RNF103: variants seen among roughly 807,000 people sequenced by gnomAD.
RNF103 encodes the protein E3 ubiquitin-protein ligase RNF103.
RNF103 carries 23 observed loss-of-function variants against 66.2 expected under a neutral mutation model. The observed-to-expected ratio is 0.35, with a 90% CI of 0.25 to 0.49. The LOEUF (loss-of-function observed/expected upper bound fraction) is 0.49. Among genes scored for constraint, RNF103 ranks in the 20% least tolerant of loss-of-function variants. RNF103 has a pLI of 0.98. For missense variants in RNF103, 730 were observed against 814.7 expected, an observed-to-expected ratio of 0.90 and a Z score of 1.27; for synonymous variants, 297 against 289.9, an observed-to-expected ratio of 1.02 and a Z score of -0.25.
chr2:86,603,998 T>C lies in RNF103; in HGVS notation c.1903A>G (p.Met635Val), dbSNP rs756358507. ...AACACATGACCACAAGGCAACCCCA[T>C]TAGCAAACATCCATTTTCAAAATTC... is the stretch of plus-strand genomic sequence containing the variant. ...LENFENGCLL[M>V]GLPCGHVFHQ... The change falls in exon 4 of 4, where the codon ATG becomes GTG. Residue 635 changes from methionine (M) to valine (V), a missense_variant. Coordinates refer to ENST00000237455, the MANE Select transcript of RNF103 (RefSeq NM_005667.4). 1.7e-5 allele frequency: 27 copies of C among 1,614,016 alleles called. No homozygotes were observed. The highest frequency in any genetic ancestry group is 2.3e-5 in the Non-Finnish European group (27 of 1,180,042).
chr2:86,620,104 A>T (rs955534675), intron 2 of RNF103, among the ~76,000 whole-genome samples: 1 of 152,168 alleles, frequency 6.6e-6, no homozygotes, highest in Non-Finnish European at 1.5e-5. Flanking sequence ...CTAAACAAAA[A>T]GTTGACCCCC....
At position 86,605,134 on chromosome 2, in the gene RNF103, T is replaced by C. The variant is rs1678496146; in HGVS notation, c.767A>G (p.Lys256Arg). The change falls in exon 4 of 4, where the codon AAG (lysine) becomes AGG (arginine). Residue 256 changes from lysine (K) to arginine (R), a missense_variant. Lys to Arg is a conservative substitution (Grantham distance 26). Transcript: ENST00000237455. ...PPAFFSALSIKFTGRVEFIFV... is the reference protein window; with the variant it reads ...PPAFFSALSIRFTGRVEFIFV... ...AATAAACTCAACTCTTCCAGTAAAC[T>C]TTATACTTAGTGCAGAGAAGAAAGC... is the stretch of plus-strand genomic sequence containing the variant. 1.9e-6 allele frequency: 3 copies of C among 1,613,906 alleles called. No homozygotes were observed. Among genetic ancestry groups the C allele is most frequent in the East Asian group, 4.5e-5 (2 of 44,876 alleles).
chr2:86,617,977 G>C, intron 2 of RNF103: 1 of 500,724 alleles, frequency 2.0e-6, no homozygotes, highest in South Asian at 1.5e-5. Flanking sequence ...AGGAACACAA[G>C]CCAGACAGTG....
chr2:86,621,842 G>T (rs1306345816), intron 1 of RNF103, among the ~76,000 whole-genome samples: 1 of 152,060 alleles, frequency 6.6e-6, no homozygotes, highest in Non-Finnish European at 1.5e-5. Flanking sequence ...ACTTTGTGCA[G>T]CAGTGAAAAA....
chr2:86,604,292 T>C lies in RNF103; in HGVS notation c.1609A>G (p.Asn537Asp). ...TCTGTGTTCTCACTTTCCGAGTCAT[T>C]TTCAGTATCTTGAGACCCCTCCGAC... Reference protein sequence around the residue: ...EMSEGSQDTENDSESENTDTL... With the variant: ...EMSEGSQDTEDDSESENTDTL... Residue 537 changes from asparagine (N) to aspartate (D), a missense_variant, in exon 4 of 4, where the codon AAT (asparagine) becomes GAT (aspartate). Physicochemically the swap from Asn to Asp is conservative, Grantham distance 23. Coordinates refer to ENST00000237455, the MANE Select transcript of RNF103 (RefSeq NM_005667.4). 6.2e-7 allele frequency: 1 copy of C among 1,614,228 alleles called. No individual in the cohort carries two copies.
At chr2:86,606,588 G>A (rs1289924585) in intron 3 of RNF103, among the ~76,000 whole-genome samples, 3 of 149,132 alleles carry the variant, frequency 2.0e-5, no homozygotes, top group East Asian at 2.0e-4. Context: ...GCTTGAACCC[G>A]GGAGGCAGAG....
chr2:86,623,825 C>G lies in RNF103; in HGVS notation c.-939G>C, dbSNP rs1428989123. 7.8e-7 allele frequency: 1 copy of G among 1,288,104 alleles called. No individual in the cohort carries two copies. Among genetic ancestry groups the G allele is most frequent in the Non-Finnish European group, 1.0e-6 (1 of 988,410 alleles). The allele number at this position is 1,288,104 out of a possible 1,614,324, so 79.8% of individuals were successfully genotyped here. ...GAGACCGCGGCCGTACCCTCCACAA[C>G]CGTGTATCAGCGGCGGCCGCGGCCG... is the stretch of plus-strand genomic sequence containing the variant. On this transcript the variant is annotated 5_prime_UTR_variant, in exon 1 of 4. Transcript: ENST00000237455.
At chr2:86,615,185 C>T in intron 2 of RNF103, 3 of 985,314 alleles carry the variant, frequency 3.0e-6, no homozygotes, top group Non-Finnish European at 3.6e-6. Flanking sequence ...TGTTCAATGC[C>T]AGGGCCTTAT....
chr2:86,620,590 A>G, intron 1 of RNF103, 121 bp from the exon 2 acceptor site: 1 of 1,269,680 alleles, frequency 7.9e-7, no homozygotes, highest in Non-Finnish European at 1.0e-6. Context: ...TATTTTATAG[A>G]CAAGAACTAC....
rs753419114 is a variant in RNF103 at position 86,604,146 on chromosome 2, G to A, written c.1755C>T (p.Thr585=). ...ACCTCCCCTTCCTTTCACATGGGCT[G>A]GTCTGACAATATTTATTGGCACATG... ...ACSCANKYCQ[T]SPCERKGRSY... is the part of the protein sequence containing the mutation. Residue 585 remains threonine, a synonymous_variant, in exon 4 of 4, where the codon ACC becomes ACT. Transcript: ENST00000237455. 1 of 1,613,330 alleles carries A rather than the reference G, an allele frequency of 6.2e-7. No individual in the cohort carries two copies. The highest frequency in any genetic ancestry group is 8.5e-7 in the Non-Finnish European group (1 of 1,180,016).
At chr2:86,615,112 T>G (rs1384917874) in intron 2 of RNF103, 73 of 985,262 alleles carry the variant, frequency 7.4e-5, no homozygotes, top group Non-Finnish European at 7.7e-5. Context: ...CTCTTGGTTA[T>G]AGCAGAGATA....
intron 3 of RNF103, among the ~76,000 whole-genome samples, chr2:86,609,798 C>A (rs1393259249): frequency 6.6e-6 from 1 of 152,084 alleles, no homozygotes; most frequent in African/African-American, 2.4e-5. Flanking sequence ...AGAGGCCACC[C>A]CAGAGAAGGG....
At chr2:86,620,519 T>G in intron 1 of RNF103, 50 bp from the exon 2 acceptor site, 1 of 1,468,166 alleles carries the variant, frequency 6.8e-7, no homozygotes, top group Non-Finnish European at 9.1e-7. Context: ...AATCCTAGAT[T>G]CCCAATTTCA....
chr2:86,604,892 T>C lies in RNF103; in HGVS notation c.1009A>G (p.Met337Val), dbSNP rs958293718. The C allele has an allele frequency of 3.1e-5, 50 of 1,613,976 alleles. No individual in the cohort carries two copies. Among genetic ancestry groups the C allele is most frequent in the Non-Finnish European group, 4.0e-5 (47 of 1,180,022 alleles). ...FVLSLVLVNL[M>V]AWMDLFITQG... is the part of the protein sequence containing the mutation. ...GTAATAAATAAGTCCATCCAAGCCA[T>C]AAGATTAACTAGAACCAAGCTCAAA... The change falls in exon 4 of 4, where the codon ATG becomes GTG. Residue 337 changes from methionine to valine, a missense_variant. Met to Val is a conservative substitution (Grantham distance 21). This residue lies in a region of RNF103 where 48 missense variants were observed against 93.0 expected (regional missense o/e 0.52). Coordinates refer to ENST00000237455, the MANE Select transcript of RNF103 (RefSeq NM_005667.4).
At position 86,623,436 on chromosome 2, in the gene RNF103, G is replaced by T; in HGVS notation, c.-550C>A. 1.0e-6 allele frequency: 1 copy of T among 981,888 alleles called. No homozygotes were observed. Among genetic ancestry groups the T allele is most frequent in the Non-Finnish European group, 1.2e-6 (1 of 828,556 alleles). The allele number at this position is 981,888 out of a possible 1,614,324, so 60.8% of individuals were successfully genotyped here. On this transcript the variant is annotated 5_prime_UTR_variant, in exon 1 of 4. Coordinates refer to ENST00000237455, the MANE Select transcript of RNF103 (RefSeq NM_005667.4). ...CGGCGCTCGGCCGGGCCAGGCCCGG[G>T]GCCCAGCGTGTTCTGCGCGGGGAGG...
chr2:86,617,128 T>G, intron 2 of RNF103: 1 of 985,206 alleles, frequency 1.0e-6, no homozygotes, highest in Non-Finnish European at 1.2e-6. Context: ...AGATGTCATA[T>G]GTATGTTGCT....
Position 86,623,696 on chromosome 2 carries a change from C to T in RNF103, c.-810G>A. 1 of 1,236,714 alleles carries T rather than the reference C, an allele frequency of 8.1e-7. No homozygotes were observed. The highest frequency in any genetic ancestry group is 1.0e-6 in the Non-Finnish European group (1 of 966,136). 76.6% of individuals were successfully genotyped at this position (1,236,714 alleles called of 1,614,324 possible). On this transcript the variant is annotated 5_prime_UTR_variant, in exon 1 of 4. Transcript: ENST00000237455. ...ACCAATAATAGGCCCCGAGACTGCTCCTCCAGGCGGCTACCCGGCTGCCTC... is the reference window on the plus strand; with the variant it reads ...ACCAATAATAGGCCCCGAGACTGCTTCTCCAGGCGGCTACCCGGCTGCCTC...
chr2:86,610,463 T>A (rs532309722), intron 3 of RNF103, among the ~76,000 whole-genome samples: 2 of 152,208 alleles, frequency 1.3e-5, no homozygotes, highest in Non-Finnish European at 2.9e-5. Flanking sequence ...TATAAGATTA[T>A]GGTTTGTCTG....
At chr2:86,615,724 A>G (rs1678993118) in intron 2 of RNF103, among the ~76,000 whole-genome samples, 1 of 152,026 alleles carries the variant, frequency 6.6e-6, no homozygotes, top group Admixed American at 6.6e-5. Flanking sequence ...AGACTACAAA[A>G]AAACTGGACA....
Sources: allele counts gnomAD v4.1 joint callset (sites outside exome capture counted in the v4.1 genomes callset), GRCh38; gene constraint gnomAD v4.1.1; regional missense constraint gnomAD v4.1.1; transcripts MANE v1.5; gene names NCBI Gene and HGNC (gene_info 2026-07-23, HGNC 2026-07-21).